The following RAB40B variants were observed in gnomAD, a reference collection of about 807,000 sequenced individuals.
The protein encoded by RAB40B is ras-related protein Rab-40B.
Under a neutral mutation model 24.0 loss-of-function variants are expected in RAB40B, and 21 were observed. The ratio of observed to expected loss-of-function variants is 0.88; its 90% CI spans 0.62 to 1.26. RAB40B has a LOEUF of 1.26. Among genes scored for constraint, RAB40B ranks in the 50% most tolerant of loss-of-function variants. The pLI is 0.00. For synonymous variants in RAB40B, 167 were observed against 169.8 expected (o/e 0.98, Z 0.13); for missense variants, 348 against 390.5 (o/e 0.89, Z 0.92).
At chr17:82,659,019 A>G (rs1263276643) in intron 4 of RAB40B, 2 of 351,742 alleles carry the variant, frequency 5.7e-6, no homozygotes, top group African/African-American at 2.1e-5. Flanking sequence ...GGGAGGGCCC[A>G]GGGTTGCTGG....
intron 1 of RAB40B, among the ~76,000 whole-genome samples, chr17:82,684,478 T>A (rs983692113): frequency 6.6e-6 from 1 of 152,004 alleles, no homozygotes; most frequent in Admixed American, 6.6e-5. Flanking sequence ...CAAAAACGAG[T>A]CATAAACATG....
In RAB40B at chr17:82,664,154, G is replaced by GA. The variant is rs2046217807; in HGVS notation, c.203+341dup. 2.2e-5 allele frequency among the ~76,000 whole-genome samples: 3 copies of GA among 135,956 alleles called. No homozygotes were observed. In the South Asian group the frequency reaches 7.0e-4, roughly 32 times the overall value. 89.2% of individuals were successfully genotyped at this position (135,956 alleles called of 152,430 possible). On this transcript the variant is annotated intron_variant, in intron 2 of 5. Coordinates refer to ENST00000571995, the MANE Select transcript of RAB40B (RefSeq NM_006822.3). ...GGTGCTGTGCCGATGGTGGTGGTGGGAGGGTGTTCCCCGGGGGCGCTGTGC... is the reference window on the plus strand; with the variant it reads ...GGTGCTGTGCCGATGGTGGTGGTGGGAAGGGTGTTCCCCGGGGGCGCTGTGC...
At chr17:82,662,743 C>A in intron 2 of RAB40B, 1 of 985,268 alleles carries the variant, frequency 1.0e-6, no homozygotes, top group Non-Finnish European at 1.2e-6. Context: ...GGATCTCACT[C>A]CTGAGGTGAG....
rs1237411012 is a variant in RAB40B at position 82,656,906 on chromosome 17, C to T, written c.*957G>A. On this transcript the variant is annotated 3_prime_UTR_variant, in exon 6 of 6. Coordinates refer to ENST00000571995, the MANE Select transcript of RAB40B (RefSeq NM_006822.3). ...GTGCACCTCTGTAATCCCAGCTACT[C>T]GGGAGGCTGAGGCAGGAGAATCGCT... The T allele has an allele frequency of 2.0e-5, 3 of 152,418 alleles. No individual in the cohort carries two copies. The highest frequency in any genetic ancestry group is 2.1e-4 in the South Asian group (1 of 4,818). 9.4% of individuals were successfully genotyped at this position (152,418 alleles called of 1,614,324 possible).
chr17:82,679,773 A>AGGCTAGGGACAG (rs1039848086), intron 1 of RAB40B, among the ~76,000 whole-genome samples: 1 of 151,872 alleles, frequency 6.6e-6, no homozygotes, highest in Non-Finnish European at 1.5e-5. Context: ...CACCAAGCAC[A>AGGCTAGGGACAG]GGGCAGGGGC....
intron 1 of RAB40B, 45 bp from the exon 2 acceptor site, chr17:82,664,601 C>T (rs746343606): frequency 6.3e-7 from 1 of 1,577,390 alleles, no homozygotes; most frequent in Admixed American, 1.7e-5. Flanking sequence ...CTGCAGCTAA[C>T]AGGACGCTGG....
chr17:82,690,102 G>A (rs1484666313), intron 1 of RAB40B, among the ~76,000 whole-genome samples: 2 of 152,154 alleles, frequency 1.3e-5, no homozygotes. Flanking sequence ...TTTATATCTC[G>A]AGGTGGTTGC....
Position 82,692,034 on chromosome 17 carries a change from C to T in RAB40B, c.142+6421G>A, listed in dbSNP as rs1430702043. Among the ~76,000 whole-genome samples, 1 of 149,688 alleles carries T rather than the reference C, an allele frequency of 6.7e-6. No homozygotes were observed. The highest frequency in any genetic ancestry group is 1.5e-5 in the Non-Finnish European group (1 of 67,488). ...CCGCACGGTCCGTGGGCTGAGGTGA[C>T]AGGCAGAGCAGTGGGGCCCGCACGG... is the stretch of plus-strand genomic sequence containing the variant. On this transcript the variant is annotated intron_variant, in intron 1 of 5. Coordinates refer to ENST00000571995, the MANE Select transcript of RAB40B (RefSeq NM_006822.3). This position sits in a 1 kb window ranked among gnomAD's most constrained non-coding sequence, Gnocchi z 4.0.
At position 82,658,642 on chromosome 17, in the gene RAB40B, C is replaced by T. The variant is rs371784781; in HGVS notation, c.414G>A (p.Thr138=). The change falls in exon 5 of 6, where the codon ACG becomes ACA. Residue 138 remains threonine, a synonymous_variant. Transcript: ENST00000571995. Reference sequence around the variant, plus strand: ...GCTCGGCGTAGGCCTGGGCCTGCTCCGTGGGCACCTGCCGCTTGAACGCCA... The same window carrying T: ...GCTCGGCGTAGGCCTGGGCCTGCTCTGTGGGCACCTGCCGCTTGAACGCCA... ...LHLAFKRQVP[T]EQAQAYAERL... The T allele has an allele frequency of 4.0e-5, 64 of 1,613,072 alleles. No homozygotes were observed. The highest frequency in any genetic ancestry group is 5.2e-5 in the Non-Finnish European group (61 of 1,179,972).
At chr17:82,678,275 C>T (rs2046414561) in intron 1 of RAB40B, among the ~76,000 whole-genome samples, 1 of 152,206 alleles carries the variant, frequency 6.6e-6, no homozygotes, top group African/African-American at 2.4e-5. Context: ...ACAATTCAAG[C>T]TCACTGCACT....
chr17:82,662,208 T>G, intron 2 of RAB40B: 1 of 985,454 alleles, frequency 1.0e-6, no homozygotes, highest in Non-Finnish European at 1.2e-6. Flanking sequence ...ACACTGGCCA[T>G]TGCCAAAGCC....
chr17:82,674,996 C>A (rs577658265), intron 1 of RAB40B, among the ~76,000 whole-genome samples: 1 of 152,266 alleles, frequency 6.6e-6, no homozygotes, highest in East Asian at 1.9e-4. Flanking sequence ...TTCCTCTGTG[C>A]TGAAGCTATT....
Position 82,655,005 on chromosome 17 carries a change from A to G in RAB40B, c.*2858T>C, listed in dbSNP as rs983044561. On this transcript the variant is annotated 3_prime_UTR_variant, in exon 6 of 6. Coordinates refer to ENST00000571995, the MANE Select transcript of RAB40B (RefSeq NM_006822.3). ...TAATTTATATTTATGTTTTTTGTAT[A>G]TTCACCACCCAAACACACAGTCTTC... The G allele has an allele frequency of 3.9e-5, 6 of 152,062 alleles. No individual in the cohort carries two copies. The highest frequency in any genetic ancestry group is 1.4e-4 in the African/African-American group (6 of 41,380). 9.4% of individuals were successfully genotyped at this position (152,062 alleles called of 1,614,324 possible).
chr17:82,667,142 C>T lies in RAB40B; in HGVS notation c.143-2586G>A, dbSNP rs575501280. Among the ~76,000 whole-genome samples the T allele has an allele frequency of 6.6e-6, 1 of 152,184 alleles. No homozygotes were observed. The highest frequency in any genetic ancestry group is 1.5e-5 in the Non-Finnish European group (1 of 68,032). Reference sequence around the variant, plus strand: ...AGGCTCCTCTAAAAATGCGAGGCTGCGGAGGCCACGGTTCTCAAGCAGCTT... The same window carrying T: ...AGGCTCCTCTAAAAATGCGAGGCTGTGGAGGCCACGGTTCTCAAGCAGCTT... On this transcript the variant is annotated intron_variant, in intron 1 of 5. Coordinates refer to ENST00000571995, the MANE Select transcript of RAB40B (RefSeq NM_006822.3). This position sits in a 1 kb window ranked among gnomAD's most constrained non-coding sequence, Gnocchi z 4.3.
chr17:82,685,894 C>G (rs921502778), intron 1 of RAB40B, among the ~76,000 whole-genome samples: 3 of 151,902 alleles, frequency 2.0e-5, no homozygotes, highest in African/African-American at 7.3e-5. Flanking sequence ...ACCTCCACCT[C>G]CTGGATTCAA....
chr17:82,687,735 C>T (rs2046516228), intron 1 of RAB40B, among the ~76,000 whole-genome samples: 1 of 152,222 alleles, frequency 6.6e-6, no homozygotes, highest in Admixed American at 6.5e-5. Context: ...AAAACCAGCC[C>T]TCCTGACTGG....
At chr17:82,668,247 G>T (rs1327849679) in intron 1 of RAB40B, 2 of 154,486 alleles carry the variant, frequency 1.3e-5, no homozygotes, top group Non-Finnish European at 2.9e-5. Flanking sequence ...GGGTGGGGAA[G>T]TGCACGCTGA....
intron 1 of RAB40B, among the ~76,000 whole-genome samples, chr17:82,687,767 T>G (rs906517141): frequency 6.6e-6 from 1 of 152,142 alleles, no homozygotes; most frequent in Non-Finnish European, 1.5e-5. Flanking sequence ...GCAGGGCAGG[T>G]GCCTTCAAGA....
intron 2 of RAB40B, chr17:82,661,825 T>TG (rs2046176247): frequency 1.4e-6 from 1 of 739,594 alleles, no homozygotes; most frequent in Admixed American, 6.9e-5. Flanking sequence ...AGGCGGAGGT[T>TG]GCAGTGAGCT....
Sources: allele counts gnomAD v4.1 joint callset (sites outside exome capture counted in the v4.1 genomes callset), GRCh38; gene constraint gnomAD v4.1.1; non-coding constraint Gnocchi (gnomAD v3.1); transcripts MANE v1.5; gene names NCBI Gene and HGNC (gene_info 2026-07-23, HGNC 2026-07-21).